The following RBFOX1 variants were observed in gnomAD, a reference collection of about 807,000 sequenced individuals.
RBFOX1 encodes RNA binding fox-1 homolog 1, also known as RNA binding protein fox-1 homolog 1.
Under a neutral mutation model 57.7 loss-of-function variants are expected in RBFOX1, and 8 were observed. The observed-to-expected ratio is 0.14, with a 90% CI of 0.08 to 0.25. RBFOX1 has a LOEUF of 0.25. Among genes scored for constraint, RBFOX1 ranks in the 10% least tolerant of loss-of-function variants. RBFOX1 has a pLI of 1.00. For synonymous variants in RBFOX1, 326 were observed against 222.4 expected (o/e 1.47, Z -4.15); for missense variants, 611 against 548.5 (o/e 1.11, Z -1.14).
chr16:6,135,628 G>T (rs967105277), intron 1 of RBFOX1, among the ~76,000 whole-genome samples: 1 of 151,828 alleles, frequency 6.6e-6, no homozygotes, highest in Non-Finnish European at 1.5e-5. Context: ...TTAAGTGTAG[G>T]TAAATCAGAA....
chr16:6,421,187 A>G (rs1173254038), intron 2 of RBFOX1, among the ~76,000 whole-genome samples: 1 of 152,174 alleles, frequency 6.6e-6, no homozygotes, highest in East Asian at 1.9e-4. Flanking sequence ...ATCCCAGGCT[A>G]CCCTGATGCG....
At chr16:6,485,495 C>G (rs564561983) in intron 2 of RBFOX1, among the ~76,000 whole-genome samples, 1 of 152,064 alleles carries the variant, frequency 6.6e-6, no homozygotes, top group Non-Finnish European at 1.5e-5. Context: ...CTTTGCTACA[C>G]TTTAACATAT....
intron 4 of RBFOX1, among the ~76,000 whole-genome samples, chr16:7,374,126 A>T (rs2097637915): frequency 2.0e-5 from 3 of 152,122 alleles, no homozygotes; most frequent in Admixed American, 2.0e-4. Flanking sequence ...AAGGGCCACC[A>T]ATAGGTACTT....
intron 1 of RBFOX1, among the ~76,000 whole-genome samples, chr16:5,381,195 G>A (rs559137870): frequency 6.6e-6 from 1 of 152,320 alleles, no homozygotes; most frequent in South Asian, 2.1e-4. Context: ...GTCTTTATCT[G>A]TATAGAGAGA....
At chr16:5,512,162 G>C (rs1387549210) in intron 2 of RBFOX1, among the ~76,000 whole-genome samples, 1 of 152,154 alleles carries the variant, frequency 6.6e-6, no homozygotes, top group Non-Finnish European at 1.5e-5. Flanking sequence ...GATGGATGTG[G>C]GCTATTGATT....
At chr16:6,942,926 C>G (rs923364141) in intron 3 of RBFOX1, among the ~76,000 whole-genome samples, 25 of 152,126 alleles carry the variant, frequency 1.6e-4, no homozygotes, top group African/African-American at 5.6e-4. Flanking sequence ...CGACAGGGCT[C>G]GCATTGGAGA....
intron 1 of RBFOX1, among the ~76,000 whole-genome samples, chr16:6,274,338 A>G (rs2075559516): frequency 6.6e-6 from 1 of 152,214 alleles, no homozygotes; most frequent in South Asian, 2.1e-4. Context: ...AAATTGTGGT[A>G]TATCCATACC....
At chr16:7,641,701 A>AT (rs1339455170) in intron 11 of RBFOX1, among the ~76,000 whole-genome samples, 1 of 152,026 alleles carries the variant, frequency 6.6e-6, no homozygotes, top group Admixed American at 6.6e-5. Context: ...GTTTTACAGC[A>AT]TTTTTCTTGA....
intron 3 of RBFOX1, among the ~76,000 whole-genome samples, chr16:5,659,426 C>G (rs9646293): frequency 0.12 from 17,534 of 151,618 alleles, 1,332 homozygotes; most frequent in East Asian, 0.27. Flanking sequence ...GCCTCGGCCT[C>G]CTGAGTAGCT....
chr16:5,280,671 A>G (rs1015483086), intron 1 of RBFOX1, among the ~76,000 whole-genome samples: 3 of 152,124 alleles, frequency 2.0e-5, no homozygotes, highest in African/African-American at 4.8e-5. Flanking sequence ...TAGGCTGTGT[A>G]TGTCTGGGAA....
chr16:7,354,898 A>C (rs552555937), intron 4 of RBFOX1, among the ~76,000 whole-genome samples: 2 of 152,272 alleles, frequency 1.3e-5, no homozygotes, highest in Admixed American at 6.5e-5. Flanking sequence ...TAAAAGATTA[A>C]ATTAATTGTA....
intron 3 of RBFOX1, among the ~76,000 whole-genome samples, chr16:5,792,262 C>G (rs895640041): frequency 6.6e-6 from 1 of 152,130 alleles, no homozygotes; most frequent in Non-Finnish European, 1.5e-5. Flanking sequence ...ATTCCTGTTC[C>G]AGCCCTCTGT....
intron 3 of RBFOX1, among the ~76,000 whole-genome samples, chr16:6,900,525 T>C (rs752294128): frequency 6.6e-6 from 1 of 152,194 alleles, no homozygotes; most frequent in Admixed American, 6.6e-5. Flanking sequence ...GCCCTGCCCT[T>C]CTCTCAACAC....
chr16:7,568,942 A>T (rs11649050), intron 5 of RBFOX1, among the ~76,000 whole-genome samples: 19,344 of 149,862 alleles, frequency 0.13, 1,501 homozygotes, highest in South Asian at 0.23. Context: ...GCAGCCCAGT[A>T]GGTCTCAGCC....
intron 5 of RBFOX1, among the ~76,000 whole-genome samples, chr16:7,557,439 T>C (rs1478769986): frequency 2.0e-5 from 3 of 151,648 alleles, no homozygotes; most frequent in Non-Finnish European, 4.4e-5. Context: ...GACCAACATG[T>C]TGAAACCCCG....
At chr16:6,955,347 T>C (rs1352954011) in intron 3 of RBFOX1, among the ~76,000 whole-genome samples, 2 of 79,600 alleles carry the variant, frequency 2.5e-5, no homozygotes, top group South Asian at 3.8e-4. Context: ...TCCCCACATA[T>C]GCACACACAC....
chr16:6,804,118 T>A (rs897232184), intron 3 of RBFOX1, among the ~76,000 whole-genome samples: 31 of 152,062 alleles, frequency 2.0e-4, no homozygotes, highest in African/African-American at 7.0e-4. Flanking sequence ...GTGATTCTCC[T>A]TGCCTCAGGC....
intron 1 of RBFOX1, among the ~76,000 whole-genome samples, chr16:5,405,456 A>G (rs891999227): frequency 3.9e-5 from 6 of 152,214 alleles, no homozygotes; most frequent in Non-Finnish European, 2.9e-5. Context: ...GCCTTCTGCC[A>G]TGATTGTGAG....
intron 2 of RBFOX1, among the ~76,000 whole-genome samples, chr16:6,559,258 A>C (rs2097072575): frequency 6.6e-6 from 1 of 152,070 alleles, no homozygotes; most frequent in Non-Finnish European, 1.5e-5. Context: ...AAAAGTGTCT[A>C]ATTAGACAAA....
Sources: gnomAD v4.1 joint callset for allele counts (sites outside exome capture counted in the v4.1 genomes callset) on GRCh38, gnomAD v4.1.1 for gene constraint, MANE v1.5 for transcripts, NCBI Gene and HGNC (gene_info 2026-07-23, HGNC 2026-07-21) for gene names.